Variants in ANO2 observed in about 807,000 individuals in gnomAD.
The protein encoded by ANO2 is anoctamin-2.
ANO2 carries 101 observed loss-of-function variants against 124.2 expected under a neutral mutation model. That is an observed-to-expected ratio of 0.81 (90% confidence interval 0.69 to 0.96). The LOEUF (loss-of-function observed/expected upper bound fraction) is 0.96. Ranked by LOEUF, ANO2 falls within the 40% of genes least tolerant of loss-of-function variation. The pLI, the probability that ANO2 is intolerant of heterozygous loss-of-function variation, is 0.00. For missense variants in ANO2, 1,293 were observed against 1,274.5 expected (o/e 1.01, Z -0.22); for synonymous variants, 486 against 482.5 (o/e 1.01, Z -0.09).
At chr12:5,882,977 G>C (rs1489209345) in intron 3 of ANO2, among the ~76,000 whole-genome samples, 1 of 152,156 alleles carries the variant, frequency 6.6e-6, no homozygotes, top group African/African-American at 2.4e-5. Context: ...GACGGCTGCT[G>C]CATGAGCAGA....
At chr12:5,852,708 A>T (rs987568308) in intron 4 of ANO2, among the ~76,000 whole-genome samples, 1 of 152,150 alleles carries the variant, frequency 6.6e-6, no homozygotes, top group Non-Finnish European at 1.5e-5. Context: ...GGGGCAGGTG[A>T]TCACAGTGGT....
chr12:5,912,914 G>T (rs2136293816), intron 3 of ANO2, among the ~76,000 whole-genome samples: 1 of 152,288 alleles, frequency 6.6e-6, no homozygotes, highest in African/African-American at 2.4e-5. Context: ...AGAGACGAGG[G>T]CATCATTAAA....
At chr12:5,799,898 A>G (rs1194687189) in intron 9 of ANO2, among the ~76,000 whole-genome samples, 1 of 152,226 alleles carries the variant, frequency 6.6e-6, no homozygotes, top group East Asian at 1.9e-4. Context: ...ATTTATTGAC[A>G]TCTCCTTATG....
At chr12:5,668,337 C>T (rs1365604390) in intron 14 of ANO2, among the ~76,000 whole-genome samples, 2 of 151,976 alleles carry the variant, frequency 1.3e-5, no homozygotes, top group African/African-American at 4.8e-5. Context: ...TGTTTGTTGG[C>T]TGCACGAATG....
chr12:5,702,577 A>C (rs971472769), intron 14 of ANO2, among the ~76,000 whole-genome samples: 1 of 151,928 alleles, frequency 6.6e-6, no homozygotes, highest in African/African-American at 2.4e-5. Flanking sequence ...AAAATGCAAA[A>C]AAAAAAAAAG....
rs777340031 is a variant in ANO2 at position 5,612,769 on chromosome 12, G to A, written c.1987-13C>T. On this transcript the variant is annotated splice_polypyrimidine_tract_variant and intron_variant, in intron 18 of 24. Transcript: ENST00000682330. ...CCCCTGGAGCACACTGCAGGGAGAAGATAAGGAAAGGACCGGTTAGAACAA... is the reference window on the plus strand; with the variant it reads ...CCCCTGGAGCACACTGCAGGGAGAAAATAAGGAAAGGACCGGTTAGAACAA... 6 of 1,613,504 alleles carry A rather than the reference G, an allele frequency of 3.7e-6. No homozygotes were observed. In the South Asian group the frequency reaches 6.6e-5, roughly 18 times the overall value.
At chr12:5,840,023 C>G (rs1422157126) in intron 4 of ANO2, among the ~76,000 whole-genome samples, 1 of 152,242 alleles carries the variant, frequency 6.6e-6, no homozygotes, top group South Asian at 2.1e-4. Context: ...TTTACTTCGG[C>G]AGGATTCAGG....
At chr12:5,640,863 C>G (rs1044037294) in intron 15 of ANO2, among the ~76,000 whole-genome samples, 34 of 152,192 alleles carry the variant, frequency 2.2e-4, no homozygotes, top group Admixed American at 9.2e-4. Context: ...ACCTAGTGAT[C>G]CCACTACTGG....
intron 1 of ANO2, among the ~76,000 whole-genome samples, chr12:5,942,627 C>G (rs1264783190): frequency 6.6e-6 from 1 of 151,682 alleles, no homozygotes; most frequent in African/African-American, 2.4e-5. Flanking sequence ...AGCTTCCCCA[C>G]AGGGGAAGCT....
chr12:5,801,657 C>T (rs189567215), intron 9 of ANO2, among the ~76,000 whole-genome samples: 2 of 152,354 alleles, frequency 1.3e-5, no homozygotes, highest in East Asian at 3.9e-4. Context: ...GGAGCAGAAA[C>T]TACACAGGCC....
At chr12:5,861,484 C>A (rs1719058131) in intron 3 of ANO2, among the ~76,000 whole-genome samples, 1 of 152,340 alleles carries the variant, frequency 6.6e-6, no homozygotes, top group Admixed American at 6.5e-5. Context: ...ATAAACAAGA[C>A]AACGTCCTCT....
At chr12:5,672,604 T>C (rs1948066703) in intron 14 of ANO2, among the ~76,000 whole-genome samples, 1 of 50,790 alleles carries the variant, frequency 2.0e-5, no homozygotes, top group African/African-American at 4.0e-5. Context: ...TGTGTGCACA[T>C]GCATGTGTGT....
rs1236381725 is a variant in ANO2 at position 5,837,471 on chromosome 12, TC to T, written c.634-4869del. On this transcript the variant is annotated intron_variant, in intron 4 of 24. Transcript: ENST00000682330. The stretch of plus-strand genomic sequence containing the variant: ...TAGGTATATCTCCCGATGCTATCCC[TC>T]CCCCCTCCCCCCACCCCACAACAGT... Among the ~76,000 whole-genome samples, 3 of 73,058 alleles carry T rather than the reference TC, an allele frequency of 4.1e-5. No individual in the cohort carries two copies. The Admixed American group carries it at 5.2e-4, about 13-fold the overall frequency. The allele number at this position is 73,058 out of a possible 152,430, so 47.9% of individuals were successfully genotyped here.
intron 3 of ANO2, among the ~76,000 whole-genome samples, chr12:5,891,755 G>A (rs1038977771): frequency 2.8e-4 from 42 of 152,184 alleles, no homozygotes; most frequent in African/African-American, 9.9e-4. Flanking sequence ...AAATGAAACT[G>A]ATTTTGAAAC....
At chr12:5,927,677 T>C (rs1235226042) in intron 1 of ANO2, among the ~76,000 whole-genome samples, 1 of 152,218 alleles carries the variant, frequency 6.6e-6, no homozygotes, top group Non-Finnish European at 1.5e-5. Context: ...TACGTCCTGA[T>C]ATTGGTAAAA....
intron 4 of ANO2, among the ~76,000 whole-genome samples, chr12:5,845,873 C>A (rs867129197): frequency 1.2e-4 from 18 of 152,158 alleles, no homozygotes; most frequent in South Asian, 6.2e-4. Context: ...AAGGTGAAAA[C>A]AAATCACGTA....
At chr12:5,716,759 A>G (rs568993279) in intron 14 of ANO2, among the ~76,000 whole-genome samples, 136 of 152,284 alleles carry the variant, frequency 8.9e-4, no homozygotes, top group Non-Finnish European at 1.8e-3. Flanking sequence ...GAGAATCACG[A>G]AGCTGTATCC....
At chr12:5,933,500 G>T (rs74056724) in intron 1 of ANO2, among the ~76,000 whole-genome samples, 4,171 of 152,282 alleles carry the variant, frequency 0.027, 143 homozygotes, top group African/African-American at 0.081. Flanking sequence ...ATAAATGGAT[G>T]GGTGGGTGGG....
chr12:5,854,104 G>A lies in ANO2; in HGVS notation c.572C>T (p.Ala191Val). The A allele has an allele frequency of 6.2e-7, 1 of 1,613,488 alleles. No homozygotes were observed. Among genetic ancestry groups the A allele is most frequent in the Non-Finnish European group, 8.5e-7 (1 of 1,179,604 alleles). ...CTCTCTGGCCAGCACCTGCCACGGG[G>A]CGTGTATCCGGACAAAGATGGATCC... is the stretch of plus-strand genomic sequence containing the variant. ...SQGSIFVRIH[A>V]PWQVLAREAE... Residue 191 changes from alanine (A) to valine (V), a missense_variant, in exon 4 of 25, where the codon GCC becomes GTC. Physicochemically the swap from Ala to Val is moderately conservative, Grantham distance 64. Coordinates refer to ENST00000682330, the MANE Select transcript of ANO2 (RefSeq NM_001364791.2).
Sources: allele counts gnomAD v4.1 joint callset (sites outside exome capture counted in the v4.1 genomes callset), GRCh38; gene constraint gnomAD v4.1.1; transcripts MANE v1.5; gene names NCBI Gene and HGNC (gene_info 2026-07-23, HGNC 2026-07-21).